The following OSBP2 variants were observed in gnomAD, a reference collection of about 807,000 sequenced individuals.
OSBP2 encodes the protein oxysterol binding protein 2.
In OSBP2, 66 loss-of-function variants were observed where a neutral mutation model predicts 96.0. The ratio of observed to expected loss-of-function variants is 0.69; its 90% CI spans 0.56 to 0.84. The LOEUF (loss-of-function observed/expected upper bound fraction) is 0.84. OSBP2 is among the 40% of genes least tolerant of loss of function. The pLI is 0.00. For synonymous variants in OSBP2, 525 were observed against 520.9 expected (o/e 1.01, Z -0.11); for missense variants, 1,038 against 1,222.7 (o/e 0.85, Z 2.25).
At position 30,872,596 on chromosome 22, in the gene OSBP2, G is replaced by T. The variant is rs370114180; in HGVS notation, c.1107+1914G>T. ...TCCGGGGAACATGGCGGCAGAGTCA[G>T]CCCTGAGTGACGGAAGCTGTGCCCT... On this transcript the variant is annotated intron_variant, in intron 3 of 13. Transcript: ENST00000332585. 20 of 356,170 alleles carry T rather than the reference G, an allele frequency of 5.6e-5. 1 individual carries two copies. In the East Asian group the frequency reaches 1.2e-3, roughly 21 times the overall value. The allele number at this position is 356,170 out of a possible 1,614,324, so 22.1% of individuals were successfully genotyped here.
chr22:30,785,504 T>G (rs1161566371), intron 2 of OSBP2, among the ~76,000 whole-genome samples: 1 of 150,178 alleles, frequency 6.7e-6, no homozygotes, highest in Non-Finnish European at 1.5e-5. Flanking sequence ...GAGGTGGAGG[T>G]TGCAGTGAGC....
At chr22:30,730,713 CCTGTCTCTCTCT>C (rs1392040572) in intron 1 of OSBP2, among the ~76,000 whole-genome samples, 2 of 52,968 alleles carry the variant, frequency 3.8e-5, no homozygotes, top group African/African-American at 1.7e-4. Context: ...GATTCGCTGC[CCTGTCTCTCTCT>C]CTCTCTCTCT....
chr22:30,900,542 G>A (rs567153703), intron 12 of OSBP2, among the ~76,000 whole-genome samples: 1 of 151,856 alleles, frequency 6.6e-6, no homozygotes, highest in African/African-American at 2.4e-5. Flanking sequence ...TTCTGAAGAA[G>A]ACCAGAGAGG....
At chr22:30,753,990 T>C (rs1487893104) in intron 2 of OSBP2, among the ~76,000 whole-genome samples, 2 of 152,220 alleles carry the variant, frequency 1.3e-5, no homozygotes, top group African/African-American at 2.4e-5. Flanking sequence ...CATTGTTCCC[T>C]GTGTGGAATT....
intron 2 of OSBP2, among the ~76,000 whole-genome samples, chr22:30,751,995 ACCT>A (rs148478591): frequency 0.048 from 7,277 of 152,156 alleles, 228 homozygotes; most frequent in Non-Finnish European, 0.067. Flanking sequence ...CCAAAAGAGT[ACCT>A]GTGTCAGTCA....
At chr22:30,694,764 GA>G, upstream of OSBP2, 1 of 558,666 alleles carries the variant, frequency 1.8e-6, no homozygotes, top group Non-Finnish European at 2.3e-6. Flanking sequence ...GGCGGGCGCT[GA>G]CGGGCACGGA....
intron 3 of OSBP2, among the ~76,000 whole-genome samples, chr22:30,886,877 T>C (rs2039821552): frequency 6.6e-6 from 1 of 152,150 alleles, no homozygotes; most frequent in South Asian, 2.1e-4. Flanking sequence ...GAGAGGGTTC[T>C]TGGATCTCAC....
intron 2 of OSBP2, among the ~76,000 whole-genome samples, chr22:30,821,686 G>A (rs2038276990): frequency 6.6e-6 from 1 of 152,148 alleles, no homozygotes; most frequent in South Asian, 2.1e-4. Flanking sequence ...GGCGGTGGGC[G>A]CTTCTTTACT....
At chr22:30,718,171 G>A (rs1158818410) in intron 1 of OSBP2, among the ~76,000 whole-genome samples, 2 of 152,146 alleles carry the variant, frequency 1.3e-5, no homozygotes, top group African/African-American at 4.8e-5. Context: ...CTGAATCAAG[G>A]CATGTGGCCC....
intron 2 of OSBP2, among the ~76,000 whole-genome samples, chr22:30,782,082 G>A (rs1289915409): frequency 6.6e-6 from 1 of 152,134 alleles, no homozygotes; most frequent in Non-Finnish European, 1.5e-5. Context: ...GGAGGTGGAG[G>A]TTGCAGTGAG....
chr22:30,827,260 T>C (rs1376630880), intron 2 of OSBP2, among the ~76,000 whole-genome samples: 1 of 151,672 alleles, frequency 6.6e-6, no homozygotes, highest in Non-Finnish European at 1.5e-5. Context: ...GCTCTGGAGG[T>C]GGTGTGTGGC....
chr22:30,720,086 G>A (rs1424720872), intron 1 of OSBP2, among the ~76,000 whole-genome samples: 1 of 152,110 alleles, frequency 6.6e-6, no homozygotes, highest in African/African-American at 2.4e-5. Context: ...GTCCTCATTG[G>A]GATATTTCTC....
chr22:30,802,532 C>T (rs1477463665), intron 2 of OSBP2, among the ~76,000 whole-genome samples: 1 of 152,226 alleles, frequency 6.6e-6, no homozygotes, highest in Admixed American at 6.5e-5. Flanking sequence ...GATTGGGGCG[C>T]GATAGCGCCC....
intron 1 of OSBP2, among the ~76,000 whole-genome samples, chr22:30,713,421 G>GTTCCTAAC (rs2089391493): frequency 2.6e-5 from 4 of 151,160 alleles, no homozygotes; most frequent in African/African-American, 9.7e-5. Flanking sequence ...TCCTAACATG[G>GTTCCTAAC]GTTGGGAACC....
intron 2 of OSBP2, among the ~76,000 whole-genome samples, chr22:30,832,064 A>G (rs1158787970): frequency 4.6e-5 from 7 of 152,096 alleles, no homozygotes; most frequent in African/African-American, 1.4e-4. Context: ...GTGACCAGGA[A>G]GCATCTCACT....
intron 2 of OSBP2, among the ~76,000 whole-genome samples, chr22:30,751,377 C>T (rs1406000111): frequency 2.0e-5 from 3 of 151,342 alleles, no homozygotes; most frequent in East Asian, 3.9e-4. Context: ...TTTCTTGAGA[C>T]GGAGTCTCAC....
At chr22:30,846,849 A>G (rs2038881411) in intron 2 of OSBP2, among the ~76,000 whole-genome samples, 1 of 151,796 alleles carries the variant, frequency 6.6e-6, no homozygotes, top group African/African-American at 2.4e-5. Flanking sequence ...ATTTGCTAGT[A>G]CTTTTCTGAG....
chr22:30,802,245 C>T (rs185850217), intron 2 of OSBP2, among the ~76,000 whole-genome samples: 2 of 152,166 alleles, frequency 1.3e-5, no homozygotes, highest in African/African-American at 4.8e-5. Context: ...GAGGAGGAGG[C>T]GTGGGAGGGA....
In OSBP2 at chr22:30,835,623, T is replaced by C. The variant is rs563673777; in HGVS notation, c.854-34806T>C. On this transcript the variant is annotated intron_variant, in intron 2 of 13. Coordinates refer to ENST00000332585, the MANE Select transcript of OSBP2 (RefSeq NM_030758.4). ...CCATACTGGTATTTTCTAAAAATTT[T>C]CTCCTGAAAAGTTTTCAAGATTCAC... is the stretch of plus-strand genomic sequence containing the variant. Among the ~76,000 whole-genome samples, 301 of 152,306 alleles carry C rather than the reference T, an allele frequency of 2.0e-3. 2 individuals carry two copies. Among genetic ancestry groups the C allele is most frequent in the Middle Eastern group, 3.4e-3 (1 of 294 alleles).
Sources: gnomAD v4.1 joint callset for allele counts (sites outside exome capture counted in the v4.1 genomes callset) on GRCh38, gnomAD v4.1.1 for gene constraint, MANE v1.5 for transcripts, NCBI Gene and HGNC (gene_info 2026-07-23, HGNC 2026-07-21) for gene names.